Variants in TTI1 observed in about 807,000 individuals in gnomAD.
TTI1 encodes the protein TELO2-interacting protein 1 homolog.
In TTI1, 52 loss-of-function variants were observed where a neutral mutation model predicts 85.4. The observed-to-expected ratio is 0.61, with a 90% CI of 0.49 to 0.77. The LOEUF (loss-of-function observed/expected upper bound fraction) is 0.77. Among genes scored for constraint, TTI1 ranks in the 30% least tolerant of loss-of-function variants. The pLI is 0.00. For synonymous variants in TTI1, 512 were observed against 503.9 expected (o/e 1.02, Z -0.22); for missense variants, 1,173 against 1,296.0 (o/e 0.91, Z 1.46).
rs34900517 is a variant in TTI1 at position 37,996,378 on chromosome 20, C to T, written c.3083G>A (p.Arg1028Lys). 0.028 allele frequency: 45,861 copies of T among 1,614,010 alleles called. 786 individuals carry two copies. The highest frequency in any genetic ancestry group is 0.031 in the Non-Finnish European group (37,128 of 1,179,938). ...KQPVKLQEAARSVFLHLMKVD... is the reference protein window; with the variant it reads ...KQPVKLQEAAKSVFLHLMKVD... ...GCGGGTGATCAGGCAGACGTACCTC[C>T]TGGCAGCCTCTTGTAATTTCACGGG... The change falls in exon 7 of 8, where the codon AGG becomes AAG. Residue 1028 changes from arginine (R) to lysine (K), a missense_variant. Arg to Lys is a conservative substitution (Grantham distance 26). Transcript: ENST00000373447.
chr20:38,029,574 G>GAGA (rs2073879644), intron 1 of TTI1, among the ~76,000 whole-genome samples: 1 of 149,462 alleles, frequency 6.7e-6, no homozygotes, highest in African/African-American at 2.5e-5. Context: ...GAGCAAGAGA[G>GAGA]AGAGAGAGAG....
intron 7 of TTI1, among the ~76,000 whole-genome samples, chr20:37,988,292 C>A (rs6022227): frequency 0.25 from 37,452 of 152,134 alleles, 5,402 homozygotes; most frequent in African/African-American, 0.41. Flanking sequence ...CTGGTAGCTC[C>A]AACAGACCAC....
chr20:38,007,472 A>C (rs747726950), intron 2 of TTI1, among the ~76,000 whole-genome samples: 4 of 152,194 alleles, frequency 2.6e-5, no homozygotes, highest in Non-Finnish European at 4.4e-5. Flanking sequence ...GGTGGGCTAC[A>C]GGCATGGGTT....
chr20:37,996,644 T>A (rs1008532841), intron 6 of TTI1, 105 bp downstream of exon 6: 2 of 1,419,628 alleles, frequency 1.4e-6, no homozygotes, highest in African/African-American at 2.8e-5. Flanking sequence ...CGGAAGGAGG[T>A]ACACAGAGGG....
chr20:38,027,533 T>C (rs1490035402), intron 1 of TTI1, among the ~76,000 whole-genome samples: 1 of 152,224 alleles, frequency 6.6e-6, no homozygotes, highest in Non-Finnish European at 1.5e-5. Flanking sequence ...GAAACCTTAC[T>C]GATAACATAA....
At chr20:37,990,439 G>C (rs928755933) in intron 7 of TTI1, among the ~76,000 whole-genome samples, 9 of 152,218 alleles carry the variant, frequency 5.9e-5, no homozygotes, top group Non-Finnish European at 1.3e-4. Flanking sequence ...GAGACTTTGA[G>C]AAGTGAATTA....
intron 2 of TTI1, among the ~76,000 whole-genome samples, chr20:38,009,778 C>T (rs1339750052): frequency 6.6e-6 from 1 of 152,138 alleles, no homozygotes; most frequent in Non-Finnish European, 1.5e-5. Flanking sequence ...GTTGAGATTA[C>T]AGGTGTGAGC....
At chr20:38,017,431 TGTGTGC>T (rs1231028648) in intron 1 of TTI1, among the ~76,000 whole-genome samples, 14 of 149,898 alleles carry the variant, frequency 9.3e-5, no homozygotes, top group African/African-American at 3.0e-4. Context: ...TGTGTGTGTG[TGTGTGC>T]GCGCGCGCCT....
chr20:38,011,059 G>A (rs1047397047), intron 2 of TTI1, among the ~76,000 whole-genome samples: 13 of 152,130 alleles, frequency 8.5e-5, no homozygotes, highest in Admixed American at 3.3e-4. Flanking sequence ...TCTTAGTACC[G>A]TTCTAGACAA....
chr20:38,016,908 C>T (rs1034569139), intron 1 of TTI1, among the ~76,000 whole-genome samples: 4 of 152,208 alleles, frequency 2.6e-5, no homozygotes, highest in Admixed American at 2.0e-4. Context: ...CCATGGCATA[C>T]GGGGCCTTTC....
At chr20:38,032,116 C>G (rs191694735) in intron 1 of TTI1, among the ~76,000 whole-genome samples, 2 of 152,260 alleles carry the variant, frequency 1.3e-5, no homozygotes, top group Admixed American at 1.3e-4. Context: ...AGTTGCAGCC[C>G]CTTCCCTCAA....
intron 2 of TTI1, among the ~76,000 whole-genome samples, chr20:38,008,813 T>G (rs1221903994): frequency 6.6e-6 from 1 of 152,196 alleles, no homozygotes; most frequent in Non-Finnish European, 1.5e-5. Flanking sequence ...CTATACCAAC[T>G]CCACCTGAGT....
At chr20:38,020,223 C>T (rs1183374832) in intron 1 of TTI1, among the ~76,000 whole-genome samples, 1 of 148,978 alleles carries the variant, frequency 6.7e-6, no homozygotes, top group Non-Finnish European at 1.5e-5. Flanking sequence ...AGTCCAGCTA[C>T]ACACCTGACA....
chr20:37,988,314 A>G lies in TTI1; in HGVS notation c.3087-4675T>C, dbSNP rs142213903. On this transcript the variant is annotated intron_variant, in intron 7 of 7. Transcript: ENST00000373447. Reference sequence around the variant, plus strand: ...CTCCAACAGACCACGAGAGTTTTCAATCATGGGCACTGGATCATTACTCAC... The same window carrying G: ...CTCCAACAGACCACGAGAGTTTTCAGTCATGGGCACTGGATCATTACTCAC... Among the ~76,000 whole-genome samples the G allele has an allele frequency of 8.0e-3, 1,221 of 152,328 alleles. 6 individuals are homozygous for G. The highest frequency in any genetic ancestry group is 0.023 in the African/African-American group (952 of 41,578).
chr20:37,983,667 G>A (rs748050351), intron 7 of TTI1, 28 bp from the exon 8 acceptor site: 4 of 1,480,172 alleles, frequency 2.7e-6, no homozygotes, highest in South Asian at 2.8e-5. Flanking sequence ...GGAGTGAGTA[G>A]AGGGTACAGA....
intron 1 of TTI1, among the ~76,000 whole-genome samples, chr20:38,032,965 G>C (rs1204271500): frequency 6.6e-6 from 1 of 152,194 alleles, no homozygotes; most frequent in Non-Finnish European, 1.5e-5. Flanking sequence ...TGGACCCGCA[G>C]ACGGCAAAAG....
At position 38,013,064 on chromosome 20, in the gene TTI1, C is replaced by G. The variant is rs2073624989; in HGVS notation, c.753G>C (p.Gln251His). The G allele has an allele frequency of 6.2e-7, 1 of 1,614,060 alleles. No individual in the cohort carries two copies. Among genetic ancestry groups the G allele is most frequent in the African/African-American group, 1.3e-5 (1 of 74,930 alleles). Residue 251 changes from glutamine to histidine, a missense_variant, in exon 2 of 8, where the codon CAG becomes CAC. Transcript: ENST00000373447. ...KTVSFIMADE[Q>H]LKRISKVQAK... is the part of the protein sequence containing the mutation. The stretch of plus-strand genomic sequence containing the variant: ...CTTGGACCTTTGAGATTCTTTTGAG[C>G]TGTTCATCAGCCATAATGAAGCTCA...
At chr20:38,008,934 A>G (rs897381356) in intron 2 of TTI1, among the ~76,000 whole-genome samples, 1 of 152,118 alleles carries the variant, frequency 6.6e-6, no homozygotes, top group Non-Finnish European at 1.5e-5. Context: ...AGTCTTAACC[A>G]TTCAATTTTC....
At chr20:38,001,069 T>C (rs764303353) in intron 4 of TTI1, among the ~76,000 whole-genome samples, 2 of 152,230 alleles carry the variant, frequency 1.3e-5, no homozygotes, top group Non-Finnish European at 2.9e-5. Context: ...CCAATATGTA[T>C]GAGTCTGTGT....
Sources: allele counts gnomAD v4.1 joint callset (sites outside exome capture counted in the v4.1 genomes callset), GRCh38; gene constraint gnomAD v4.1.1; transcripts MANE v1.5; gene names NCBI Gene and HGNC (gene_info 2026-07-23, HGNC 2026-07-21).